Variants in TTLL7 observed in about 807,000 individuals in gnomAD.
TTLL7 encodes tubulin polyglutamylase TTLL7.
TTLL7 carries 53 observed loss-of-function variants against 120.2 expected under a neutral mutation model. The observed-to-expected ratio is 0.44, with a 90% CI of 0.35 to 0.55. The LOEUF (loss-of-function observed/expected upper bound fraction) is 0.55. Among genes scored for constraint, TTLL7 ranks in the 20% least tolerant of loss-of-function variants. The pLI, the probability that TTLL7 is intolerant of heterozygous loss-of-function variation, is 0.00. For missense variants in TTLL7, 803 were observed against 1,054.7 expected, an observed-to-expected ratio of 0.76 and a Z score of 3.31; for synonymous variants, 353 against 351.7, an observed-to-expected ratio of 1.00 and a Z score of -0.04.
chr1:83,889,871 G>C, intron 19 of TTLL7: 1 of 456,064 alleles, frequency 2.2e-6, no homozygotes, highest in South Asian at 1.6e-5. Context: ...GTATGACTGA[G>C]AGAATAATAA....
At chr1:83,878,129 C>G (rs1054500437) in intron 20 of TTLL7, among the ~76,000 whole-genome samples, 28 of 150,854 alleles carry the variant, frequency 1.9e-4, no homozygotes. Context: ...TGTTTTCCAG[C>G]TTAAAGGCAT....
Position 83,867,626 on chromosome 1 carries a change from A to G in TTLL7, c.*2336T>C, listed in dbSNP as rs1297052215. On this transcript the variant is annotated 3_prime_UTR_variant, in exon 21 of 21. Transcript: ENST00000260505. ...TTTTAAATACAAATTTTGCTCTGGT[A>G]CAAAAGTTGCAAAGCACACACTCCA... 1.3e-5 allele frequency: 2 copies of G among 151,938 alleles called. No homozygotes were observed. Among genetic ancestry groups the G allele is most frequent in the Non-Finnish European group, 2.9e-5 (2 of 67,910 alleles). 9.4% of individuals were successfully genotyped at this position (151,938 alleles called of 1,614,324 possible).
At chr1:83,881,028 G>A (rs1654406536) in intron 20 of TTLL7, among the ~76,000 whole-genome samples, 1 of 151,900 alleles carries the variant, frequency 6.6e-6, no homozygotes, top group South Asian at 2.1e-4. Context: ...TGGGAAAACT[G>A]GCTAGCCATA....
chr1:83,943,823 A>C (rs1307044489), intron 6 of TTLL7, among the ~76,000 whole-genome samples: 1 of 152,234 alleles, frequency 6.6e-6, no homozygotes, highest in Non-Finnish European at 1.5e-5. Context: ...AAGCCCAGAC[A>C]TTGGGTTTAC....
rs760061512 is a variant in TTLL7, at chr1:83,870,094, G to A, written c.2544-12C>T. 2 of 1,532,020 alleles carry A rather than the reference G, an allele frequency of 1.3e-6. No individual in the cohort carries two copies. Among genetic ancestry groups the A allele is most frequent in the African/African-American group, 1.4e-5 (1 of 70,052 alleles). The allele number at this position is 1,532,020 out of a possible 1,614,324, so 94.9% of individuals were successfully genotyped here. ...CTGGTAGTAAATACCTAAAAATGATGGTTAACAAATTAGATTTTTACAAGC... is the reference window on the plus strand; with the variant it reads ...CTGGTAGTAAATACCTAAAAATGATAGTTAACAAATTAGATTTTTACAAGC... On this transcript the variant is annotated splice_polypyrimidine_tract_variant and intron_variant, in intron 20 of 20. Coordinates refer to ENST00000260505, the MANE Select transcript of TTLL7 (RefSeq NM_024686.6).
Position 83,926,148 on chromosome 1 carries a change from G to A in TTLL7, c.1142+2988C>T, listed in dbSNP as rs1216490029. Among the ~76,000 whole-genome samples, 7 of 151,200 alleles carry A rather than the reference G, an allele frequency of 4.6e-5. No homozygotes were observed. The East Asian group carries it at 1.4e-3, about 29-fold the overall frequency. On this transcript the variant is annotated intron_variant, in intron 10 of 20. Transcript: ENST00000260505. ...AAAAAAATCCAGTAAATACATATGA[G>A]TGATTAGGTTTAACCTTTGTGGGTT...
At chr1:83,893,714 A>G (rs1311402852) in intron 18 of TTLL7, among the ~76,000 whole-genome samples, 3 of 152,162 alleles carry the variant, frequency 2.0e-5, no homozygotes, top group Non-Finnish European at 4.4e-5. Context: ...GGTGATATTT[A>G]TAGAAGACTA....
At chr1:83,899,534 A>T (rs1656531460) in intron 18 of TTLL7, among the ~76,000 whole-genome samples, 1 of 151,876 alleles carries the variant, frequency 6.6e-6, no homozygotes, top group Non-Finnish European at 1.5e-5. Flanking sequence ...CAATATATGA[A>T]TTTTTCTGCG....
At chr1:83,956,992 G>A (rs1472407791) in intron 1 of TTLL7, among the ~76,000 whole-genome samples, 1 of 152,150 alleles carries the variant, frequency 6.6e-6, no homozygotes, top group East Asian at 1.9e-4. Context: ...TCATCAAACT[G>A]TGTTCTCCAT....
chr1:83,952,177 A>G lies in TTLL7; in HGVS notation c.25+10T>C. ...CATATTTTGTAACATAGTTAAGTCA[A>G]TTTCCCTACCTCCTTCTTGAGGCAG... On this transcript the variant is annotated intron_variant, in intron 2 of 20. Coordinates refer to ENST00000260505, the MANE Select transcript of TTLL7 (RefSeq NM_024686.6). 1 of 1,613,562 alleles carries G rather than the reference A, an allele frequency of 6.2e-7. No homozygotes were observed. The highest frequency in any genetic ancestry group is 1.1e-5 in the South Asian group (1 of 91,048).
intron 1 of TTLL7, among the ~76,000 whole-genome samples, chr1:83,992,780 G>A (rs1306052255): frequency 7.3e-6 from 1 of 137,508 alleles, no homozygotes; most frequent in East Asian, 2.3e-4. Context: ...GTTATAGAAA[G>A]TATTCAAGTT....
In TTLL7 at chr1:83,892,505, A is replaced by T. The variant is rs371540963; in HGVS notation, c.2209-2024T>A. Among the ~76,000 whole-genome samples, 134 of 68,836 alleles carry T rather than the reference A, an allele frequency of 1.9e-3. 2 individuals are homozygous for T. The South Asian group carries it at 0.047, about 24-fold the overall frequency. The allele number at this position is 68,836 out of a possible 152,430, so 45.2% of individuals were successfully genotyped here. A position where few individuals can be genotyped will look rare whatever the true frequency, so the allele number is the denominator to read the frequency against. On this transcript the variant is annotated intron_variant, in intron 18 of 20. Transcript: ENST00000260505. Reference sequence around the variant, plus strand: ...GAATGAACATATATATGAACATATGAATGAACATATATATGAACATATATA... The same window carrying T: ...GAATGAACATATATATGAACATATGTATGAACATATATATGAACATATATA...
In TTLL7 at chr1:83,908,863, G is replaced by A. The variant is rs1173677272; in HGVS notation, c.1787-1202C>T. The stretch of plus-strand genomic sequence containing the variant: ...AATAGACATAAGCCTTATATTTAGG[G>A]ATGTACTTCTAAATTAAATTTTGGA... On this transcript the variant is annotated intron_variant, in intron 15 of 20. Coordinates refer to ENST00000260505, the MANE Select transcript of TTLL7 (RefSeq NM_024686.6). Among the ~76,000 whole-genome samples, 4 of 151,716 alleles carry A rather than the reference G, an allele frequency of 2.6e-5. No homozygotes were observed. The East Asian group carries it at 5.8e-4, about 22-fold the overall frequency.
chr1:83,982,303 C>T lies in TTLL7; in HGVS notation c.-177+16628G>A, dbSNP rs193051561. On this transcript the variant is annotated intron_variant, in intron 1 of 20. Coordinates refer to ENST00000260505, the MANE Select transcript of TTLL7 (RefSeq NM_024686.6). ...AGAAGGAAATTTAGACACCTAAATG[C>T]TTACATTAGAAAAGAGAAACACTCT... Among the ~76,000 whole-genome samples, 107 of 151,962 alleles carry T rather than the reference C, an allele frequency of 7.0e-4. 1 individual carries two copies. Among genetic ancestry groups the T allele is most frequent in the African/African-American group, 2.4e-3 (99 of 41,426 alleles).
At chr1:83,913,341 C>G (rs992370710) in intron 14 of TTLL7, among the ~76,000 whole-genome samples, 1 of 152,082 alleles carries the variant, frequency 6.6e-6, no homozygotes, top group African/African-American at 2.4e-5. Context: ...AAGAACATTG[C>G]TAATATTTTA....
In TTLL7 at chr1:83,907,520, C is replaced by A; in HGVS notation, c.1928G>T (p.Arg643Leu). 6.2e-7 allele frequency: 1 copy of A among 1,613,126 alleles called. No homozygotes were observed. The highest frequency in any genetic ancestry group is 8.5e-7 in the Non-Finnish European group (1 of 1,179,420). ...CAGATGCCTCATGTAGGAGGAAGCA[C>A]GGTTTAAGGAATGTGACCGAGATGC... The part of the protein sequence containing the change: ...TSASRSHSLN[R>L]ASSYMRHLPH... Residue 643 changes from arginine to leucine, a missense_variant, in exon 16 of 21, where the codon CGT becomes CTT. By Grantham distance (102) the Arg-to-Leu change is moderately radical. This residue lies in a region of TTLL7 where 388 missense variants were observed against 450.4 expected (regional missense o/e 0.86). Coordinates refer to ENST00000260505, the MANE Select transcript of TTLL7 (RefSeq NM_024686.6).
At chr1:83,903,996 C>T (rs1371269235) in intron 18 of TTLL7, 83 bp downstream of exon 18, 4 of 1,004,870 alleles carry the variant, frequency 4.0e-6, no homozygotes, top group Non-Finnish European at 6.2e-6. Context: ...AGCAAATATA[C>T]AGTCTGTCTA....
At chr1:83,996,967 C>A (rs1653540259) in intron 1 of TTLL7, among the ~76,000 whole-genome samples, 1 of 152,000 alleles carries the variant, frequency 6.6e-6, no homozygotes, top group South Asian at 2.1e-4. Context: ...TTACAAGATG[C>A]CTTGCCAAGG....
chr1:83,940,764 T>C (rs189826723), intron 7 of TTLL7, among the ~76,000 whole-genome samples: 10 of 152,292 alleles, frequency 6.6e-5, no homozygotes, highest in South Asian at 6.2e-4. Context: ...ACTTTACATA[T>C]TATTCAAAAT....
Sources: allele counts gnomAD v4.1 joint callset (sites outside exome capture counted in the v4.1 genomes callset), GRCh38; gene constraint gnomAD v4.1.1; regional missense constraint gnomAD v4.1.1; transcripts MANE v1.5; gene names NCBI Gene and HGNC (gene_info 2026-07-23, HGNC 2026-07-21).